CDKL4: variants seen among roughly 807,000 people sequenced by gnomAD.
The protein encoded by CDKL4 is cyclin dependent kinase like 4.
Under a neutral mutation model 42.0 loss-of-function variants are expected in CDKL4, and 44 were observed. The ratio of observed to expected loss-of-function variants is 1.05; its 90% CI spans 0.82 to 1.35. The LOEUF (loss-of-function observed/expected upper bound fraction) is 1.35. Among genes scored for constraint, CDKL4 ranks in the 40% most tolerant of loss-of-function variants. The probability of loss-of-function intolerance (pLI) is 0.00; values close to 1 mark genes in which losing one functional copy is unlikely to be tolerated. For synonymous variants in CDKL4, 120 were observed against 121.6 expected, an observed-to-expected ratio of 0.99 and a Z score of 0.09; for missense variants, 393 against 369.9, an observed-to-expected ratio of 1.06 and a Z score of -0.51.
At chr2:39,220,397 G>A (rs917345334) in intron 3 of CDKL4, among the ~76,000 whole-genome samples, 5 of 152,062 alleles carry the variant, frequency 3.3e-5, no homozygotes, top group Non-Finnish European at 7.4e-5. Context: ...CATGACCCAG[G>A]GGGCCTATAA....
At chr2:39,206,684 C>T (rs910600397) in intron 4 of CDKL4, among the ~76,000 whole-genome samples, 1 of 152,204 alleles carries the variant, frequency 6.6e-6, no homozygotes, top group Non-Finnish European at 1.5e-5. Flanking sequence ...GAACTCTGTA[C>T]TTTTCAAAGC....
the CDKL4 span, among the ~76,000 whole-genome samples, chr2:39,168,944 A>G: frequency 2.0e-5 from 3 of 151,910 alleles, no homozygotes; most frequent in African/African-American, 7.2e-5. Context: ...TTTAGTAAAG[A>G]CGGGGTTTCA....
At chr2:39,186,221 C>T (rs140277621) in intron 7 of CDKL4, among the ~76,000 whole-genome samples, 62 of 151,906 alleles carry the variant, frequency 4.1e-4, no homozygotes, top group African/African-American at 1.4e-3. Context: ...TTAACAAAGA[C>T]AATAAAAAAG....
intron 4 of CDKL4, among the ~76,000 whole-genome samples, chr2:39,212,950 C>A (rs1389783836): frequency 6.6e-6 from 1 of 152,160 alleles, no homozygotes; most frequent in East Asian, 1.9e-4. Context: ...GCATGAGCCA[C>A]CATACCGGCC....
At chr2:39,244,399 A>G (rs1369086967), upstream of CDKL4, among the ~76,000 whole-genome samples, 3 of 152,202 alleles carry the variant, frequency 2.0e-5, no homozygotes, top group South Asian at 2.1e-4. Flanking sequence ...ACCCCGGGCA[A>G]TGAGGGACTT....
chr2:39,208,997 T>C (rs113860207), intron 4 of CDKL4, among the ~76,000 whole-genome samples: 3,754 of 152,118 alleles, frequency 0.025, 53 homozygotes, highest in African/African-American at 0.028. Context: ...GACCCACTCC[T>C]ATCTCAGAAG....
chr2:39,226,447 A>ATATATATTATATATAT (rs1553393134), intron 2 of CDKL4, among the ~76,000 whole-genome samples: 94 of 135,254 alleles, frequency 6.9e-4, no homozygotes, highest in South Asian at 3.3e-3. Flanking sequence ...TATATATATT[A>ATATATATTATATATAT]TATATATATT....
At chr2:39,170,746 C>T (rs1202808216), downstream of CDKL4, among the ~76,000 whole-genome samples, 1 of 152,062 alleles carries the variant, frequency 6.6e-6, no homozygotes, top group African/African-American at 2.4e-5. Context: ...TGAGTCACCA[C>T]ACCTGGTCCC....
At chr2:39,220,956 G>T (rs1165829831) in intron 3 of CDKL4, among the ~76,000 whole-genome samples, 1 of 102,078 alleles carries the variant, frequency 9.8e-6, no homozygotes, top group Non-Finnish European at 1.9e-5. Context: ...GGCTCAATCC[G>T]CATTCACTAC....
chr2:39,244,239 G>A (rs990898600), upstream of CDKL4, among the ~76,000 whole-genome samples: 1 of 152,248 alleles, frequency 6.6e-6, no homozygotes, highest in Non-Finnish European at 1.5e-5. Context: ...GGCCAAGGCC[G>A]GAGCCCACTC....
At chr2:39,168,325 T>A in the CDKL4 span, among the ~76,000 whole-genome samples, 2 of 152,230 alleles carry the variant, frequency 1.3e-5, no homozygotes, top group African/African-American at 4.8e-5. Context: ...ATATGGTCAA[T>A]GAGTAGTGTT....
At chr2:39,179,404 G>C in intron 8 of CDKL4, 83 bp from the exon 9 acceptor site, 1 of 1,110,260 alleles carries the variant, frequency 9.0e-7, no homozygotes, top group South Asian at 1.9e-5. Context: ...TAACTTGCTA[G>C]GATAAATATG....
At chr2:39,192,317 T>A (rs551311227) in intron 5 of CDKL4, among the ~76,000 whole-genome samples, 3 of 152,308 alleles carry the variant, frequency 2.0e-5, no homozygotes, top group East Asian at 3.9e-4. Flanking sequence ...TGTGTTAATC[T>A]TTTGGTGTAT....
At chr2:39,179,699 C>T (rs1675329195) in intron 8 of CDKL4, among the ~76,000 whole-genome samples, 1 of 152,194 alleles carries the variant, frequency 6.6e-6, no homozygotes, top group Non-Finnish European at 1.5e-5. Flanking sequence ...GGGTCCTATA[C>T]CCCGCCTGCC....
chr2:39,246,211 G>C (rs1679907133), upstream of CDKL4, among the ~76,000 whole-genome samples: 1 of 151,982 alleles, frequency 6.6e-6, no homozygotes, highest in Non-Finnish European at 1.5e-5. Flanking sequence ...CATTTGCTTA[G>C]ATACATGCTG....
At chr2:39,208,234 A>C (rs1242807132) in intron 4 of CDKL4, among the ~76,000 whole-genome samples, 1 of 152,242 alleles carries the variant, frequency 6.6e-6, no homozygotes, top group East Asian at 1.9e-4. Flanking sequence ...GCCACACTCA[A>C]TGCAAACTCT....
intron 1 of CDKL4, among the ~76,000 whole-genome samples, chr2:39,230,656 A>C (rs1679040733): frequency 6.6e-6 from 1 of 152,204 alleles, no homozygotes; most frequent in Non-Finnish European, 1.5e-5. Context: ...TAGTCTCAAA[A>C]ACCCCACCCC....
At chr2:39,171,057 G>T (rs1339197533), downstream of CDKL4, among the ~76,000 whole-genome samples, 1 of 151,962 alleles carries the variant, frequency 6.6e-6, no homozygotes, top group Non-Finnish European at 1.5e-5. Context: ...TGGCCAACAG[G>T]ATGAAACCCC....
At chr2:39,235,911 A>T (rs1414312771) in intron 1 of CDKL4, among the ~76,000 whole-genome samples, 2 of 151,778 alleles carry the variant, frequency 1.3e-5, no homozygotes, top group African/African-American at 4.8e-5. Context: ...GAGACATGCT[A>T]AAAAAAAGGA....
Sources: allele counts gnomAD v4.1 joint callset (sites outside exome capture counted in the v4.1 genomes callset), GRCh38; gene constraint gnomAD v4.1.1; transcripts MANE v1.5; gene names NCBI Gene and HGNC (gene_info 2026-07-23, HGNC 2026-07-21).